The following PBX3 variants were observed in gnomAD, a reference collection of about 807,000 sequenced individuals.
PBX3 encodes the protein PBX homeobox 3.
PBX3 carries 14 observed loss-of-function variants against 48.5 expected under a neutral mutation model. The ratio of observed to expected loss-of-function variants is 0.29; its 90% CI spans 0.19 to 0.45. The LOEUF is 0.45. PBX3 is among the 20% of genes least tolerant of loss of function. The pLI is 1.00. For missense variants in PBX3, 386 were observed against 546.7 expected (o/e 0.71, Z 2.93); for synonymous variants, 210 against 200.3 (o/e 1.05, Z -0.41).
At chr9:125,940,027 C>G (rs1841925434) in intron 5 of PBX3, among the ~76,000 whole-genome samples, 1 of 152,054 alleles carries the variant, frequency 6.6e-6, no homozygotes, top group South Asian at 2.1e-4. Context: ...ACTAAAAATA[C>G]AAAAAGTAGC....
chr9:125,903,997 A>G (rs902665439), intron 2 of PBX3, among the ~76,000 whole-genome samples: 2 of 151,836 alleles, frequency 1.3e-5, no homozygotes, highest in African/African-American at 4.8e-5. Context: ...AGGGGTGATT[A>G]GTTAATACAG....
intron 2 of PBX3, among the ~76,000 whole-genome samples, chr9:125,846,315 T>A (rs1261591827): frequency 6.6e-6 from 1 of 152,076 alleles, no homozygotes; most frequent in African/African-American, 2.4e-5. Flanking sequence ...ATATGGTTGC[T>A]GGGAGTTAAG....
At chr9:125,834,598 A>G (rs1341122678) in intron 2 of PBX3, among the ~76,000 whole-genome samples, 2 of 151,204 alleles carry the variant, frequency 1.3e-5, no homozygotes, top group East Asian at 4.0e-4. Flanking sequence ...GGGTTGCGCC[A>G]AGTTGACTAA....
At chr9:125,784,317 C>T (rs573002727) in intron 2 of PBX3, among the ~76,000 whole-genome samples, 179 of 152,064 alleles carry the variant, frequency 1.2e-3, no homozygotes, top group African/African-American at 4.1e-3. Flanking sequence ...TTAGTACAGA[C>T]GGGGTTTCGC....
At chr9:125,883,773 C>G (rs781683739) in intron 2 of PBX3, among the ~76,000 whole-genome samples, 1 of 152,126 alleles carries the variant, frequency 6.6e-6, no homozygotes, top group Non-Finnish European at 1.5e-5. Context: ...ATAAAAATAG[C>G]AGTTGGAAAG....
At chr9:125,911,998 G>A (rs1342524614) in intron 2 of PBX3, among the ~76,000 whole-genome samples, 1 of 152,152 alleles carries the variant, frequency 6.6e-6, no homozygotes, top group African/African-American at 2.4e-5. Flanking sequence ...ATACTCTTCA[G>A]TGCTGGATGA....
chr9:125,810,009 G>A (rs994251485), intron 2 of PBX3, among the ~76,000 whole-genome samples: 2 of 152,182 alleles, frequency 1.3e-5, no homozygotes, highest in African/African-American at 4.8e-5. Context: ...TTAGGGAATA[G>A]TTTGGGCACA....
At chr9:125,849,350 G>T (rs991799653) in intron 2 of PBX3, among the ~76,000 whole-genome samples, 4 of 151,660 alleles carry the variant, frequency 2.6e-5, no homozygotes, top group African/African-American at 9.7e-5. Context: ...GGATATCAGG[G>T]TGCACATGGT....
chr9:125,867,194 C>T (rs1179414021), intron 2 of PBX3, among the ~76,000 whole-genome samples: 1 of 151,714 alleles, frequency 6.6e-6, no homozygotes, highest in Non-Finnish European at 1.5e-5. Flanking sequence ...GGACCATTCA[C>T]CATAGATGTG....
At chr9:125,963,547 T>C (rs1842474022) in intron 8 of PBX3, among the ~76,000 whole-genome samples, 1 of 152,206 alleles carries the variant, frequency 6.6e-6, no homozygotes, top group South Asian at 2.1e-4. Flanking sequence ...ATTGTCAATG[T>C]GGGATGCACA....
chr9:125,856,572 T>G (rs1839729635), intron 2 of PBX3, among the ~76,000 whole-genome samples: 1 of 152,152 alleles, frequency 6.6e-6, no homozygotes, highest in Non-Finnish European at 1.5e-5. Flanking sequence ...TTTGCTTGGA[T>G]TGACAACTGC....
intron 2 of PBX3, among the ~76,000 whole-genome samples, chr9:125,870,573 A>G (rs892546646): frequency 4.6e-5 from 7 of 152,208 alleles, no homozygotes; most frequent in Admixed American, 3.9e-4. Flanking sequence ...CCCGTGATTC[A>G]GTTACATCCC....
chr9:125,794,736 A>C (rs1009650604), intron 2 of PBX3, among the ~76,000 whole-genome samples: 1 of 151,626 alleles, frequency 6.6e-6, no homozygotes, highest in Non-Finnish European at 1.5e-5. Flanking sequence ...TAAGTTAATA[A>C]AACAAATAAA....
intron 2 of PBX3, among the ~76,000 whole-genome samples, chr9:125,750,611 C>CA (rs1836345374): frequency 6.6e-6 from 1 of 152,180 alleles, no homozygotes; most frequent in Admixed American, 6.5e-5. Flanking sequence ...AGGCAGCTGA[C>CA]AAAAGAAATT....
chr9:125,896,175 C>T (rs962684677), intron 2 of PBX3, among the ~76,000 whole-genome samples: 3 of 151,938 alleles, frequency 2.0e-5, no homozygotes, highest in Non-Finnish European at 4.4e-5. Flanking sequence ...GAGCTATTTC[C>T]TTAATTCACC....
At chr9:125,786,036 C>T (rs1288625753) in intron 2 of PBX3, among the ~76,000 whole-genome samples, 10 of 150,020 alleles carry the variant, frequency 6.7e-5, no homozygotes, top group Admixed American at 6.6e-4. Context: ...ATCGTTTTCT[C>T]TTGATTTTTT....
At chr9:125,884,839 G>A (rs953598443) in intron 2 of PBX3, among the ~76,000 whole-genome samples, 1 of 152,030 alleles carries the variant, frequency 6.6e-6, no homozygotes, top group African/African-American at 2.4e-5. Flanking sequence ...CATCATCTAT[G>A]GGGAATTAAA....
intron 2 of PBX3, among the ~76,000 whole-genome samples, chr9:125,811,080 T>A (rs1838276405): frequency 6.6e-6 from 1 of 152,196 alleles, no homozygotes; most frequent in South Asian, 2.1e-4. Context: ...CTTAGCCTCT[T>A]TCTTTAAATC....
intron 2 of PBX3, among the ~76,000 whole-genome samples, chr9:125,756,405 CCTT>C (rs1836519881): frequency 6.6e-6 from 1 of 152,100 alleles, no homozygotes; most frequent in Non-Finnish European, 1.5e-5. Context: ...GGAAGACAGA[CCTT>C]CTGTGCCTAC....
Sources: gnomAD v4.1 joint callset for allele counts (sites outside exome capture counted in the v4.1 genomes callset) on GRCh38, gnomAD v4.1.1 for gene constraint, MANE v1.5 for transcripts, NCBI Gene and HGNC (gene_info 2026-07-23, HGNC 2026-07-21) for gene names.